SPART: variants seen among roughly 807,000 people sequenced by gnomAD.
The protein encoded by SPART is spartin.
SPART carries 35 observed loss-of-function variants against 58.7 expected under a neutral mutation model. That is an observed-to-expected ratio of 0.60 (90% CI 0.46 to 0.79). SPART has a LOEUF of 0.79. Among genes scored for constraint, SPART ranks in the 30% least tolerant of loss-of-function variants. The pLI is 0.00. For missense variants in SPART, 730 were observed against 786.1 expected, an observed-to-expected ratio of 0.93 and a Z score of 0.85; for synonymous variants, 284 against 280.7, an observed-to-expected ratio of 1.01 and a Z score of -0.12.
Position 36,314,375 on chromosome 13 carries a change from A to C in SPART, c.1335T>G (p.Thr445=). 6.2e-7 allele frequency: 1 copy of C among 1,614,104 alleles called. No individual in the cohort carries two copies. The highest frequency in any genetic ancestry group is 8.5e-7 in the Non-Finnish European group (1 of 1,180,010). ...SWGLVKGAEI[T]GKAIQKGASK... The stretch of plus-strand genomic sequence containing the variant: ...AAGCACCTTTCTGGATTGCCTTACC[A>C]GTAATCTCAGCACCTTTGACTAAAC... Residue 445 remains threonine, a synonymous_variant, in exon 6 of 9, where the codon ACT becomes ACG. Coordinates refer to ENST00000438666, the MANE Select transcript of SPART (RefSeq NM_015087.5).
upstream of SPART, among the ~76,000 whole-genome samples, chr13:36,350,372 T>C (rs1566145864): frequency 6.6e-6 from 1 of 152,216 alleles, no homozygotes; most frequent in Non-Finnish European, 1.5e-5. Flanking sequence ...ACTGACATTT[T>C]CCACTGGGCC....
chr13:36,321,196 C>G (rs956941603), intron 5 of SPART, among the ~76,000 whole-genome samples: 17 of 152,170 alleles, frequency 1.1e-4, no homozygotes, highest in Middle Eastern at 3.2e-3. Flanking sequence ...CTTCTGTCTA[C>G]TCATACTCCT....
At chr13:36,313,516 C>T (rs1881344960) in intron 6 of SPART, among the ~76,000 whole-genome samples, 1 of 152,208 alleles carries the variant, frequency 6.6e-6, no homozygotes, top group Non-Finnish European at 1.5e-5. Context: ...GTGACTCACT[C>T]AGAGCAACTT....
chr13:36,316,215 C>T (rs1881682167), intron 5 of SPART, among the ~76,000 whole-genome samples: 1 of 152,220 alleles, frequency 6.6e-6, no homozygotes, highest in Admixed American at 6.5e-5. Context: ...ACTACTACAG[C>T]TTGTGGGACA....
In SPART at chr13:36,368,729, C is replaced by G. The variant is rs188457789; in HGVS notation, c.-3+1360G>C. On this transcript the variant is annotated intron_variant, in intron 1 of 8. Coordinates refer to the SPART transcript ENST00000355182. ...CAATTTAAAAAATAAATTGGCTGGG[C>G]GCAGTGGCTCACGCCTGTAATCCCA... Among the ~76,000 whole-genome samples, 72 of 152,274 alleles carry G rather than the reference C, an allele frequency of 4.7e-4. 1 individual carries two copies. The East Asian group carries it at 0.011, about 24-fold the overall frequency.
intron 5 of SPART, among the ~76,000 whole-genome samples, chr13:36,321,300 G>A (rs530471606): frequency 1.0e-3 from 154 of 152,188 alleles, no homozygotes; most frequent in Non-Finnish European, 1.7e-3. Flanking sequence ...ATATCTCCTG[G>A]TGCTGTCCCC....
chr13:36,319,553 C>T (rs1443946868), intron 5 of SPART, among the ~76,000 whole-genome samples: 2 of 151,908 alleles, frequency 1.3e-5, no homozygotes, highest in Non-Finnish European at 2.9e-5. Flanking sequence ...GTCCTGAAAC[C>T]AGACAAGCCT....
Position 36,329,317 on chromosome 13 carries a change from G to A in SPART, c.1164+45C>T, listed in dbSNP as rs369445563. The stretch of plus-strand genomic sequence containing the variant: ...TATAAATACATGAAACTGGAGAAAG[G>A]TACCATTAGAAGACAACACACACAC... On this transcript the variant is annotated intron_variant, in intron 4 of 8. Coordinates refer to ENST00000438666, the MANE Select transcript of SPART (RefSeq NM_015087.5). 4.4e-4 allele frequency: 704 copies of A among 1,602,232 alleles called. 8 individuals are homozygous for A. In the South Asian group the frequency reaches 7.3e-3, roughly 17 times the overall value.
upstream of SPART, among the ~76,000 whole-genome samples, chr13:36,349,157 A>G (rs4941835): frequency 0.99 from 150,315 of 152,272 alleles, 74,212 homozygotes; most frequent in East Asian, 1. Context: ...TAGCTACCCA[A>G]GAGGCTGAGG....
intron 1 of SPART, among the ~76,000 whole-genome samples, chr13:36,360,209 C>T (rs1370174476): frequency 6.6e-6 from 1 of 151,388 alleles, no homozygotes; most frequent in Non-Finnish European, 1.5e-5. Context: ...GCAGGAGAAT[C>T]GCTTGAACCT....
Position 36,304,440 on chromosome 13 carries a change from T to G in SPART, c.1926A>C (p.Ala642=). ...DNSQRENQEG[A]ANVNVRGEKD... Reference sequence around the variant, plus strand: ...TCTCCCCTCTCACGTTGACATTTGCTGCTCCTTCTTGATTTTCCCTCTGAG... The same window carrying G: ...TCTCCCCTCTCACGTTGACATTTGCGGCTCCTTCTTGATTTTCCCTCTGAG... Residue 642 remains alanine (A), a synonymous_variant, in exon 9 of 9, where the codon GCA becomes GCC. Transcript: ENST00000438666. 1.9e-6 allele frequency: 3 copies of G among 1,614,172 alleles called. No homozygotes were observed. Among genetic ancestry groups the G allele is most frequent in the Non-Finnish European group, 2.5e-6 (3 of 1,180,020 alleles).
At chr13:36,356,407 A>C (rs1885624771) in intron 1 of SPART, among the ~76,000 whole-genome samples, 1 of 152,228 alleles carries the variant, frequency 6.6e-6, no homozygotes, top group South Asian at 2.1e-4. Context: ...CCCACATGAT[A>C]AACATTTTAC....
At chr13:36,367,900 A>G (rs1886128296) in intron 1 of SPART, among the ~76,000 whole-genome samples, 1 of 152,214 alleles carries the variant, frequency 6.6e-6, no homozygotes, top group Non-Finnish European at 1.5e-5. Flanking sequence ...CTAAGCTTTT[A>G]AAAAATTATA....
intron 6 of SPART, 24 bp downstream of exon 6, chr13:36,314,203 T>C: frequency 2.5e-6 from 4 of 1,609,118 alleles, no homozygotes; most frequent in Non-Finnish European, 3.4e-6. Flanking sequence ...CTTTAAAAAG[T>C]AAAGTTATCT....
In SPART at chr13:36,318,253, T is replaced by A. The variant is rs978971368; in HGVS notation, c.1289-3832A>T. Among the ~76,000 whole-genome samples, 26 of 152,200 alleles carry A rather than the reference T, an allele frequency of 1.7e-4. No individual in the cohort carries two copies. In the South Asian group the frequency reaches 1.9e-3, roughly 11 times the overall value. Reference sequence around the variant, plus strand: ...TTAGTTCTGTGACTAGCCCTCCCCCTCCTGCCCAGCAATTTACTCTTAAAA... The same window carrying A: ...TTAGTTCTGTGACTAGCCCTCCCCCACCTGCCCAGCAATTTACTCTTAAAA... On this transcript the variant is annotated intron_variant, in intron 5 of 8. Coordinates refer to ENST00000438666, the MANE Select transcript of SPART (RefSeq NM_015087.5).
chr13:36,307,952 T>C (rs1177559222), intron 8 of SPART, among the ~76,000 whole-genome samples: 3 of 152,124 alleles, frequency 2.0e-5, no homozygotes, highest in African/African-American at 4.8e-5. Flanking sequence ...TTAAAGGACA[T>C]TTAAAATAAC....
At chr13:36,305,849 T>C (rs1880458284) in intron 8 of SPART, among the ~76,000 whole-genome samples, 1 of 152,178 alleles carries the variant, frequency 6.6e-6, no homozygotes, top group Admixed American at 6.5e-5. Flanking sequence ...AAGTTTACAT[T>C]TTCTCCAGGA....
At chr13:36,338,013 T>C (rs912911196) in intron 1 of SPART, among the ~76,000 whole-genome samples, 2 of 152,196 alleles carry the variant, frequency 1.3e-5, no homozygotes, top group African/African-American at 4.8e-5. Flanking sequence ...GCAAAACTTA[T>C]GGTCAAAGCA....
At chr13:36,333,292 CTTT>C (rs1175379055) in intron 2 of SPART, among the ~76,000 whole-genome samples, 1 of 151,892 alleles carries the variant, frequency 6.6e-6, no homozygotes, top group African/African-American at 2.4e-5. Flanking sequence ...AAAGAAAAAT[CTTT>C]TTTTGAAGTT....
Sources: gnomAD v4.1 joint callset for allele counts (sites outside exome capture counted in the v4.1 genomes callset) on GRCh38, gnomAD v4.1.1 for gene constraint, MANE v1.5 for transcripts, NCBI Gene and HGNC (gene_info 2026-07-23, HGNC 2026-07-21) for gene names.